AUTS2: variants seen among roughly 807,000 people sequenced by gnomAD.
AUTS2 encodes autism susceptibility gene 2 protein.
In AUTS2, 17 loss-of-function variants were observed where a neutral mutation model predicts 112.4. The observed-to-expected ratio is 0.15, with a 90% CI of 0.10 to 0.23. The LOEUF (loss-of-function observed/expected upper bound fraction) is 0.23. Ranked by LOEUF, AUTS2 falls within the 10% of genes least tolerant of loss-of-function variation. AUTS2 has a pLI of 1.00. For synonymous variants in AUTS2, 751 were observed against 702.7 expected, an observed-to-expected ratio of 1.07 and a Z score of -1.09; for missense variants, 1,510 against 1,701.6, an observed-to-expected ratio of 0.89 and a Z score of 1.98.
At chr7:70,779,573 A>T (rs1278439282) in intron 14 of AUTS2, among the ~76,000 whole-genome samples, 6 of 152,124 alleles carry the variant, frequency 3.9e-5, no homozygotes, top group African/African-American at 1.4e-4. Flanking sequence ...AGAACAGCAG[A>T]CTTCCCTGTC....
chr7:69,890,254 C>G (rs1794462075), intron 1 of AUTS2, among the ~76,000 whole-genome samples: 1 of 152,090 alleles, frequency 6.6e-6, no homozygotes, highest in South Asian at 2.1e-4. Context: ...ACAGAGTGTG[C>G]AAAAATCTCA....
chr7:69,872,995 A>G (rs894316780), intron 1 of AUTS2, among the ~76,000 whole-genome samples: 2 of 150,770 alleles, frequency 1.3e-5, no homozygotes, highest in Admixed American at 6.6e-5. Flanking sequence ...GGCACGCACC[A>G]TCACACCCAG....
At chr7:70,733,535 CA>C (rs1787577610) in intron 6 of AUTS2, among the ~76,000 whole-genome samples, 1 of 123,802 alleles carries the variant, frequency 8.1e-6, no homozygotes, top group South Asian at 3.3e-4. Flanking sequence ...GTACTCTCAC[CA>C]CCCCCCTACC....
intron 1 of AUTS2, among the ~76,000 whole-genome samples, chr7:69,669,829 T>G (rs1796235569): frequency 6.6e-6 from 1 of 152,192 alleles, no homozygotes; most frequent in Non-Finnish European, 1.5e-5. Flanking sequence ...GTGAAGTTAT[T>G]TTATTTATTC....
chr7:70,770,041 A>AT (rs1297668635), intron 10 of AUTS2, among the ~76,000 whole-genome samples: 1 of 152,206 alleles, frequency 6.6e-6, no homozygotes. Flanking sequence ...TGGGGCATGT[A>AT]TTTAATTACT....
At chr7:70,595,300 A>C (rs1803141475) in intron 5 of AUTS2, among the ~76,000 whole-genome samples, 1 of 152,034 alleles carries the variant, frequency 6.6e-6, no homozygotes, top group Non-Finnish European at 1.5e-5. Context: ...GAAATTCAGG[A>C]ATTATTGTGG....
chr7:70,215,798 A>T (rs769224250), intron 4 of AUTS2, among the ~76,000 whole-genome samples: 2 of 152,126 alleles, frequency 1.3e-5, no homozygotes, highest in Non-Finnish European at 2.9e-5. Context: ...CTGTCTCATG[A>T]TTGCTTTCTG....
At chr7:69,940,269 T>C (rs1229391021) in intron 2 of AUTS2, among the ~76,000 whole-genome samples, 1 of 152,170 alleles carries the variant, frequency 6.6e-6, no homozygotes, top group East Asian at 1.9e-4. Context: ...CTCTGAAGTA[T>C]GGTGAGTTCT....
intron 6 of AUTS2, among the ~76,000 whole-genome samples, chr7:70,706,085 T>C (rs1344952250): frequency 6.6e-6 from 1 of 152,218 alleles, no homozygotes; most frequent in Non-Finnish European, 1.5e-5. Flanking sequence ...AGATGTCTGC[T>C]CTTCTGCATC....
At chr7:70,563,917 C>T (rs957793544) in intron 5 of AUTS2, among the ~76,000 whole-genome samples, 1 of 152,078 alleles carries the variant, frequency 6.6e-6, no homozygotes, top group Admixed American at 6.6e-5. Flanking sequence ...AGCTTGCTCA[C>T]CCTTGAAAAA....
chr7:70,454,438 C>G lies in AUTS2; in HGVS notation c.690+18657C>G, dbSNP rs572675897. Among the ~76,000 whole-genome samples the G allele has an allele frequency of 2.9e-4, 44 of 152,086 alleles. 1 individual carries two copies. The South Asian group carries it at 8.9e-3, about 31-fold the overall frequency. On this transcript the variant is annotated intron_variant, in intron 5 of 18. Coordinates refer to ENST00000342771, the MANE Select transcript of AUTS2 (RefSeq NM_015570.4). ...TGTAATCCCAGCTACTCTGGAGGCT[C>G]AGGCAGGAGAATCGCTTGAACCCAG...
chr7:70,572,824 C>T (rs544260283), intron 5 of AUTS2, among the ~76,000 whole-genome samples: 29 of 152,108 alleles, frequency 1.9e-4, no homozygotes, highest in Admixed American at 5.2e-4. Flanking sequence ...CTGTTGCGGG[C>T]CTTTGCTCTC....
chr7:70,452,167 A>G (rs941833071), intron 5 of AUTS2, among the ~76,000 whole-genome samples: 33 of 152,104 alleles, frequency 2.2e-4, no homozygotes, highest in African/African-American at 5.8e-4. Flanking sequence ...GATATAAAAT[A>G]CCTAGAATTA....
intron 5 of AUTS2, among the ~76,000 whole-genome samples, chr7:70,447,911 C>T (rs951408704): frequency 1.1e-4 from 16 of 152,178 alleles, no homozygotes; most frequent in Admixed American, 3.3e-4. Flanking sequence ...TAGGTTAAGA[C>T]TAAGCAGTCA....
intron 5 of AUTS2, among the ~76,000 whole-genome samples, chr7:70,457,765 A>G (rs1023230128): frequency 1.3e-5 from 2 of 152,214 alleles, no homozygotes; most frequent in African/African-American, 2.4e-5. Flanking sequence ...CTCAGGCTGC[A>G]GTTAACTATG....
chr7:70,719,749 A>G (rs1281250322), intron 6 of AUTS2, among the ~76,000 whole-genome samples: 2 of 152,124 alleles, frequency 1.3e-5, no homozygotes, highest in African/African-American at 2.4e-5. Context: ...GGCGTGAACC[A>G]CCGCACCCGG....
At position 70,771,623 on chromosome 7, in the gene AUTS2, A is replaced by C. The variant is rs770060394; in HGVS notation, c.1809A>C (p.Leu603=). 6.2e-7 allele frequency: 1 copy of C among 1,613,742 alleles called. No homozygotes were observed. The highest frequency in any genetic ancestry group is 8.5e-7 in the Non-Finnish European group (1 of 1,179,782). ...MIPPTGPFGS[L]QGAFQPKTSN... The stretch of plus-strand genomic sequence containing the variant: ...CACCCACTGGCCCTTTTGGTTCACT[A>C]CAAGGAGCATTTCAGCCGAAGGTAA... Residue 603 remains leucine, a synonymous_variant, in exon 11 of 19, where the codon CTA becomes CTC. Coordinates refer to ENST00000342771, the MANE Select transcript of AUTS2 (RefSeq NM_015570.4).
intron 5 of AUTS2, among the ~76,000 whole-genome samples, chr7:70,602,487 C>A (rs1391010146): frequency 6.6e-6 from 1 of 152,164 alleles, no homozygotes; most frequent in Non-Finnish European, 1.5e-5. Context: ...GGCTCCAGGT[C>A]TCCGGATGCC....
intron 5 of AUTS2, among the ~76,000 whole-genome samples, chr7:70,637,504 G>A (rs1805591236): frequency 6.6e-6 from 1 of 152,230 alleles, no homozygotes; most frequent in Non-Finnish European, 1.5e-5. Context: ...TTTTAAAATA[G>A]CATTCACTGC....
Sources: allele counts gnomAD v4.1 joint callset (sites outside exome capture counted in the v4.1 genomes callset), GRCh38; gene constraint gnomAD v4.1.1; transcripts MANE v1.5; gene names NCBI Gene and HGNC (gene_info 2026-07-23, HGNC 2026-07-21).